The following SDK2 variants were observed in gnomAD, a reference collection of about 807,000 sequenced individuals.
SDK2 encodes sidekick cell adhesion molecule 2.
A neutral mutation model predicts 253.9 loss-of-function variants in SDK2; 105 were observed. That is an observed-to-expected ratio of 0.41 (90% CI 0.35 to 0.49). The LOEUF is 0.49. Ranked by LOEUF, SDK2 falls within the 20% of genes least tolerant of loss-of-function variation. SDK2 has a pLI of 0.06. For missense variants in SDK2, 2,608 were observed against 3,003.0 expected, an observed-to-expected ratio of 0.87 and a Z score of 3.07; for synonymous variants, 1,249 against 1,234.9, an observed-to-expected ratio of 1.01 and a Z score of -0.24.
chr17:73,350,789 G>T lies in SDK2; in HGVS notation c.5760C>A (p.Ala1920=). ...CCTCATAGAAGGGGTTGGCTTTCTG[G>T]GCTGGAGCACAGATAGTCAGGTATA... is the stretch of plus-strand genomic sequence containing the variant. The part of the protein sequence containing the change: ...TPSSPSQSVP[A]QKANPFYEEW... The change falls in exon 42 of 45, where the codon GCC becomes GCA. Residue 1920 remains alanine, a splice_region_variant and synonymous_variant. Coordinates refer to ENST00000392650, the MANE Select transcript of SDK2 (RefSeq NM_001144952.2). 2 of 1,608,608 alleles carry T rather than the reference G, an allele frequency of 1.2e-6. No homozygotes were observed. The highest frequency in any genetic ancestry group is 1.7e-6 in the Non-Finnish European group (2 of 1,178,012).
At chr17:73,393,824 C>A in intron 26 of SDK2, 75 bp from the exon 27 acceptor site, 1 of 1,189,570 alleles carries the variant, frequency 8.4e-7, no homozygotes, top group East Asian at 2.6e-5. Flanking sequence ...AGTCTCATCC[C>A]CAGGATGAGC....
chr17:73,425,530 CAG>C (rs1255001354), intron 12 of SDK2, among the ~76,000 whole-genome samples: 1 of 152,104 alleles, frequency 6.6e-6, no homozygotes, highest in African/African-American at 2.4e-5. Flanking sequence ...TTATTTTAGA[CAG>C]AGTCTGGCTC....
chr17:73,535,891 T>G (rs924698301), intron 1 of SDK2, among the ~76,000 whole-genome samples: 15 of 152,122 alleles, frequency 9.9e-5, no homozygotes, highest in African/African-American at 3.4e-4. Flanking sequence ...AGGGGGCGGC[T>G]GGGGGTGATG....
chr17:73,347,512 GA>G (rs1284959144), intron 44 of SDK2, among the ~76,000 whole-genome samples: 1 of 152,168 alleles, frequency 6.6e-6, no homozygotes, highest in African/African-American at 2.4e-5. Flanking sequence ...CCCTGGAGCT[GA>G]ACAAAACAGC....
rs777783482 is a variant in SDK2 at position 73,401,932 on chromosome 17, TG to T, written c.2680+13del. 8.2e-6 allele frequency: 13 copies of T among 1,581,914 alleles called. No homozygotes were observed. The highest frequency in any genetic ancestry group is 3.5e-5 in the Admixed American group (2 of 57,058). On this transcript the variant is annotated intron_variant, in intron 19 of 44. Coordinates refer to ENST00000392650, the MANE Select transcript of SDK2 (RefSeq NM_001144952.2). ...CGGGGGGGGGCAGAAAGAGCAGGGC[TG>T]GGGGGTGCCTACCATCCTCATGGGT...
intron 18 of SDK2, 143 bp downstream of exon 18, chr17:73,414,501 C>G (rs1347047215): frequency 1.5e-6 from 1 of 656,706 alleles, no homozygotes; most frequent in East Asian, 2.8e-5. Context: ...AACTCTTTTC[C>G]TCTAATGTGT....
chr17:73,563,221 G>A (rs545415120), intron 1 of SDK2, among the ~76,000 whole-genome samples: 7 of 152,332 alleles, frequency 4.6e-5, no homozygotes, highest in Admixed American at 2.0e-4. Context: ...GAAGTATCAG[G>A]CAAATCTAAT....
Position 73,515,474 on chromosome 17 carries a change from G to A in SDK2, c.65-7877C>T, listed in dbSNP as rs150478359. On this transcript the variant is annotated intron_variant, in intron 1 of 44. Coordinates refer to ENST00000392650, the MANE Select transcript of SDK2 (RefSeq NM_001144952.2). ...CGGCCCAGCTGGGAATGAGTCCTGC[G>A]AATTAGCTAGAAGGATAAGGAGGCA... Among the ~76,000 whole-genome samples, 266 of 152,316 alleles carry A rather than the reference G, an allele frequency of 1.7e-3. 4 individuals are homozygous for A. The highest frequency in any genetic ancestry group is 1.4e-3 in the East Asian group (7 of 5,176).
chr17:73,401,993 C>T lies in SDK2; in HGVS notation c.2633G>A (p.Gly878Glu). Residue 878 changes from glycine to glutamate, a missense_variant, in exon 19 of 45, where the codon GGG becomes GAG. Transcript: ENST00000392650. ...FTSVLCFTTP[G>E]DGPRSTPQLV... is the part of the protein sequence containing the mutation. ...CTGCGGGGTGCTGCGTGGCCCGTCC[C>T]CGGGGGTGGTGAAACACAGCACTGA... 1 of 1,613,658 alleles carries T rather than the reference C, an allele frequency of 6.2e-7. No homozygotes were observed. The highest frequency in any genetic ancestry group is 8.5e-7 in the Non-Finnish European group (1 of 1,179,806).
Position 73,496,464 on chromosome 17 carries a change from A to G in SDK2, c.224+10974T>C, listed in dbSNP as rs544737259. ...GTGGAGGACAGAGGTGGGCATGGGC[A>G]CGAGGGCATGAAAGAGCAGAGACCA... On this transcript the variant is annotated intron_variant, in intron 2 of 44. Transcript: ENST00000392650. The surrounding 1 kb of genome is among the most constrained non-coding windows in gnomAD (Gnocchi z 4.7). 6.6e-6 allele frequency among the ~76,000 whole-genome samples: 1 copy of G among 152,266 alleles called. No homozygotes were observed. The highest frequency in any genetic ancestry group is 2.4e-5 in the African/African-American group (1 of 41,556).
At chr17:73,341,230 CTTTTTTT>C (rs11347151) in intron 44 of SDK2, among the ~76,000 whole-genome samples, 2 of 120,290 alleles carry the variant, frequency 1.7e-5, no homozygotes, top group Non-Finnish European at 3.6e-5. Context: ...TTATTCCTGA[CTTTTTTT>C]TTTTTTTTTT....
chr17:73,530,191 A>G (rs1284504775), intron 1 of SDK2, among the ~76,000 whole-genome samples: 1 of 152,188 alleles, frequency 6.6e-6, no homozygotes, highest in Non-Finnish European at 1.5e-5. Flanking sequence ...ACACTGCTAT[A>G]AAGATACTGC....
At chr17:73,594,519 T>C (rs1482627737) in intron 1 of SDK2, among the ~76,000 whole-genome samples, 9 of 151,912 alleles carry the variant, frequency 5.9e-5, no homozygotes. Context: ...ATATTAGATA[T>C]CACAGAAGCA....
intron 1 of SDK2, among the ~76,000 whole-genome samples, chr17:73,550,200 G>A (rs1349607270): frequency 1.3e-5 from 2 of 152,156 alleles, no homozygotes; most frequent in Admixed American, 6.5e-5. Flanking sequence ...TTCTAAGCCT[G>A]CTGCAGCAGG....
At chr17:73,451,820 T>C (rs2063491953) in intron 4 of SDK2, among the ~76,000 whole-genome samples, 1 of 152,160 alleles carries the variant, frequency 6.6e-6, no homozygotes. Context: ...CTGGGTGCTC[T>C]TCCTGGCACT....
At position 73,338,916 on chromosome 17, in the gene SDK2, C is replaced by T. The variant is rs899113056; in HGVS notation, c.6190G>A (p.Asp2064Asn). The T allele has an allele frequency of 1.6e-5, 26 of 1,613,860 alleles. No individual in the cohort carries two copies. Among genetic ancestry groups the T allele is most frequent in the East Asian group, 2.2e-5 (1 of 44,892 alleles). ...SQGSDSEYEV[D>N]SNHQKAHSFV... ...GAGTGGGCCTTCTGGTGGTTTGAGT[C>T]GACCTCGTACTCGCTGTCACTTCCC... Residue 2064 changes from aspartate (D) to asparagine (N), a missense_variant, in exon 45 of 45, where the codon GAC becomes AAC. Around this residue, in one of 2 missense-constraint regions of SDK2, gnomAD observed 1,103 missense variants for 1,143.9 expected, o/e 0.96. Transcript: ENST00000392650. This position sits in a 1 kb window ranked among gnomAD's most constrained non-coding sequence, Gnocchi z 5.0.
At chr17:73,564,717 C>T (rs942998607) in intron 1 of SDK2, among the ~76,000 whole-genome samples, 1 of 151,834 alleles carries the variant, frequency 6.6e-6, no homozygotes, top group Admixed American at 6.6e-5. Flanking sequence ...CCCATCTACT[C>T]GGGAGGCTGA....
intron 3 of SDK2, among the ~76,000 whole-genome samples, chr17:73,462,447 TATAC>T (rs55744851): frequency 0.96 from 146,432 of 152,164 alleles, 70,703 homozygotes; most frequent in Non-Finnish European, 1. Flanking sequence ...GGTATATATA[TATAC>T]ACACACACAT....
intron 1 of SDK2, among the ~76,000 whole-genome samples, chr17:73,588,211 C>CG (rs1409828127): frequency 2.7e-5 from 4 of 149,902 alleles, no homozygotes; most frequent in African/African-American, 9.9e-5. Context: ...CCCCCCCTCC[C>CG]CCGCCATCTC....
Sources: allele counts gnomAD v4.1 joint callset (sites outside exome capture counted in the v4.1 genomes callset), GRCh38; gene constraint gnomAD v4.1.1; regional missense constraint gnomAD v4.1.1; non-coding constraint Gnocchi (gnomAD v3.1); transcripts MANE v1.5; gene names NCBI Gene and HGNC (gene_info 2026-07-23, HGNC 2026-07-21).